SDK1: variants seen among roughly 807,000 people sequenced by gnomAD.
SDK1 encodes sidekick cell adhesion molecule 1.
A neutral mutation model predicts 245.5 loss-of-function variants in SDK1; 157 were observed. The observed-to-expected ratio is 0.64, with a 90% CI of 0.56 to 0.73. The LOEUF is 0.73. Among genes scored for constraint, SDK1 ranks in the 30% least tolerant of loss-of-function variants. The probability of loss-of-function intolerance (pLI) is 0.00; values close to 1 mark genes in which losing one functional copy is unlikely to be tolerated. For missense variants in SDK1, 3,583 were observed against 3,002.3 expected (o/e 1.19, Z -4.52); for synonymous variants, 1,647 against 1,278.5 (o/e 1.29, Z -6.15).
chr7:3,611,127 G>T (rs1166634711), intron 1 of SDK1, among the ~76,000 whole-genome samples: 1 of 152,192 alleles, frequency 6.6e-6, no homozygotes, highest in Non-Finnish European at 1.5e-5. Flanking sequence ...ATACAGAGAA[G>T]TTGGGTGGGT....
At chr7:4,010,607 A>T (rs1785868235) in intron 14 of SDK1, among the ~76,000 whole-genome samples, 1 of 152,190 alleles carries the variant, frequency 6.6e-6, no homozygotes, top group African/African-American at 2.4e-5. Context: ...CTTTTCTGGG[A>T]GACAAATCTG....
intron 5 of SDK1, among the ~76,000 whole-genome samples, chr7:3,882,258 G>A (rs990541280): frequency 6.6e-6 from 1 of 152,152 alleles, no homozygotes; most frequent in African/African-American, 2.4e-5. Context: ...TGAGATTTGG[G>A]TGGGGACACA....
At position 4,026,359 on chromosome 7, in the gene SDK1, T is replaced by G. The variant is rs917569769; in HGVS notation, c.2602+9007T>G. Among the ~76,000 whole-genome samples the G allele has an allele frequency of 5.9e-5, 9 of 152,240 alleles. No homozygotes were observed. Among genetic ancestry groups the G allele is most frequent in the Non-Finnish European group, 1.3e-4 (9 of 68,048 alleles). On this transcript the variant is annotated intron_variant, in intron 17 of 44. Transcript: ENST00000404826. This position sits in a 1 kb window ranked among gnomAD's most constrained non-coding sequence, Gnocchi z 4.1. ...GCCCATGTTTTAGAAGCTCAGCGTT[T>G]GGCATGGGCGAAGATATATTTTAGG...
At chr7:3,824,002 CTA>C (rs1235040625) in intron 5 of SDK1, among the ~76,000 whole-genome samples, 1 of 146,678 alleles carries the variant, frequency 6.8e-6, no homozygotes, top group Non-Finnish European at 1.5e-5. Flanking sequence ...TTGAAAACCT[CTA>C]AAAGTCAGAA....
rs1202670011 is a variant in SDK1, at chr7:3,969,442, C to T, written c.1714+18C>T. On this transcript the variant is annotated intron_variant, in intron 11 of 44. Coordinates refer to ENST00000404826, the MANE Select transcript of SDK1 (RefSeq NM_152744.4). Reference sequence around the variant, plus strand: ...TGTGTGGAGTAAGGAGCAGCCCTCGCACGTCGGCCTTCTGTTAGCCACGGT... The same window carrying T: ...TGTGTGGAGTAAGGAGCAGCCCTCGTACGTCGGCCTTCTGTTAGCCACGGT... The T allele has an allele frequency of 1.3e-6, 2 of 1,513,592 alleles. No individual in the cohort carries two copies. The highest frequency in any genetic ancestry group is 1.8e-6 in the Non-Finnish European group (2 of 1,122,782). 93.8% of individuals were successfully genotyped at this position (1,513,592 alleles called of 1,614,324 possible). A position where few individuals can be genotyped will look rare whatever the true frequency, so the allele number is the denominator to read the frequency against.
chr7:4,019,197 G>GATAC (rs1277087995), intron 17 of SDK1, among the ~76,000 whole-genome samples: 2 of 152,178 alleles, frequency 1.3e-5, no homozygotes, highest in Non-Finnish European at 2.9e-5. Flanking sequence ...CAGTTTATAG[G>GATAC]ATACAGCAGG....
chr7:4,028,620 A>C (rs1302828702), intron 17 of SDK1, among the ~76,000 whole-genome samples: 1 of 152,196 alleles, frequency 6.6e-6, no homozygotes, highest in Non-Finnish European at 1.5e-5. Flanking sequence ...CGTTTGGAGG[A>C]GGCTAGAATT....
chr7:4,045,287 G>T (rs1298886854), intron 17 of SDK1, among the ~76,000 whole-genome samples: 1 of 152,028 alleles, frequency 6.6e-6, no homozygotes, highest in Admixed American at 6.6e-5. Context: ...TCTGTGCCCA[G>T]GCTGGAGTGC....
chr7:3,936,864 C>T (rs1316718719), intron 5 of SDK1, among the ~76,000 whole-genome samples: 6 of 151,954 alleles, frequency 3.9e-5, no homozygotes, highest in Non-Finnish European at 7.4e-5. Flanking sequence ...GGGGTGGGGA[C>T]GAGTTAGGAA....
chr7:3,419,277 C>T (rs536502214), intron 1 of SDK1, among the ~76,000 whole-genome samples: 11 of 152,194 alleles, frequency 7.2e-5, no homozygotes, highest in South Asian at 2.1e-4. Flanking sequence ...ACCTAGGCAT[C>T]CTGGCTTCAG....
intron 1 of SDK1, among the ~76,000 whole-genome samples, chr7:3,608,894 C>A (rs1420881719): frequency 1.3e-5 from 2 of 152,176 alleles, no homozygotes; most frequent in Non-Finnish European, 2.9e-5. Context: ...TACTCCCCTC[C>A]TTTCCAGCCA....
chr7:3,510,054 A>G (rs1782528827), intron 1 of SDK1, among the ~76,000 whole-genome samples: 1 of 152,200 alleles, frequency 6.6e-6, no homozygotes, highest in Non-Finnish European at 1.5e-5. Context: ...CCATTGACTT[A>G]GAACTGGGAG....
chr7:3,646,371 A>T lies in SDK1; in HGVS notation c.713+4266A>T, dbSNP rs192201070. ...GTAAGTCTAATGTTTTCTAACTTGA[A>T]AAATAAGTTGAATATCCTATTAATA... On this transcript the variant is annotated intron_variant, in intron 4 of 44. Transcript: ENST00000404826. Among the ~76,000 whole-genome samples, 11 of 152,330 alleles carry T rather than the reference A, an allele frequency of 7.2e-5. No individual in the cohort carries two copies. The East Asian group carries it at 1.9e-3, about 27-fold the overall frequency.
At chr7:3,545,989 A>G (rs960101085) in intron 1 of SDK1, among the ~76,000 whole-genome samples, 6 of 152,186 alleles carry the variant, frequency 3.9e-5, no homozygotes, top group African/African-American at 1.2e-4. Context: ...TAACCTATTG[A>G]TATTTCTGTC....
intron 17 of SDK1, among the ~76,000 whole-genome samples, chr7:4,044,123 G>T (rs1210569220): frequency 1.3e-5 from 2 of 152,196 alleles, no homozygotes; most frequent in Admixed American, 6.5e-5. Flanking sequence ...TTGGAGCAGG[G>T]CTTGGATATG....
intron 5 of SDK1, among the ~76,000 whole-genome samples, chr7:3,860,336 T>C (rs1471305621): frequency 6.6e-6 from 1 of 151,922 alleles, no homozygotes; most frequent in Non-Finnish European, 1.5e-5. Context: ...AAAAAGACAA[T>C]GAAAAAAAGA....
intron 1 of SDK1, among the ~76,000 whole-genome samples, chr7:3,310,169 C>A (rs1446221197): frequency 2.6e-5 from 4 of 152,154 alleles, no homozygotes; most frequent in Non-Finnish European, 2.9e-5. Flanking sequence ...CTTTTTGTGG[C>A]TGAAACCCAG....
At chr7:4,061,360 C>T (rs1779527010) in intron 19 of SDK1, among the ~76,000 whole-genome samples, 1 of 152,092 alleles carries the variant, frequency 6.6e-6, no homozygotes, top group Non-Finnish European at 1.5e-5. Context: ...TCCTTCACGT[C>T]CCTTGAAAAC....
At chr7:3,424,196 G>A (rs568256279) in intron 1 of SDK1, among the ~76,000 whole-genome samples, 2 of 152,126 alleles carry the variant, frequency 1.3e-5, no homozygotes, top group African/African-American at 4.8e-5. Flanking sequence ...ATAGGCGTGA[G>A]CCACCATGCC....
Sources: gnomAD v4.1 joint callset for allele counts (sites outside exome capture counted in the v4.1 genomes callset) on GRCh38, gnomAD v4.1.1 for gene constraint, Gnocchi (gnomAD v3.1) non-coding constraint, MANE v1.5 for transcripts, NCBI Gene and HGNC (gene_info 2026-07-23, HGNC 2026-07-21) for gene names.